SORT1: variants seen among roughly 807,000 people sequenced by gnomAD.
SORT1 encodes sortilin.
A neutral mutation model predicts 101.7 loss-of-function variants in SORT1; 39 were observed. The observed-to-expected ratio is 0.38, with a 90% CI of 0.30 to 0.50. The LOEUF is 0.50. Ranked by LOEUF, SORT1 falls within the 20% of genes least tolerant of loss-of-function variation. The pLI is 0.90. For synonymous variants in SORT1, 396 were observed against 393.7 expected, an observed-to-expected ratio of 1.01 and a Z score of -0.07; for missense variants, 878 against 1,040.4, an observed-to-expected ratio of 0.84 and a Z score of 2.15.
intron 8 of SORT1, among the ~76,000 whole-genome samples, chr1:109,343,342 C>A (rs564360313): frequency 6.6e-6 from 1 of 152,264 alleles, no homozygotes; most frequent in South Asian, 2.1e-4. Context: ...ACAACCTCCA[C>A]GTCGCCAACT....
intron 1 of SORT1, among the ~76,000 whole-genome samples, chr1:109,375,721 C>T (rs930381751): frequency 4.0e-5 from 6 of 151,512 alleles, no homozygotes; most frequent in African/African-American, 1.5e-4. Context: ...ATCTTAAAAG[C>T]ATCCACAAAA....
intron 11 of SORT1, among the ~76,000 whole-genome samples, chr1:109,331,263 A>G (rs1490448898): frequency 2.0e-5 from 3 of 152,222 alleles, no homozygotes; most frequent in Non-Finnish European, 4.4e-5. Context: ...TAAACAGATT[A>G]TATACCATGA....
intron 1 of SORT1, among the ~76,000 whole-genome samples, chr1:109,373,797 C>T (rs1018394580): frequency 2.0e-5 from 3 of 152,178 alleles, no homozygotes; most frequent in African/African-American, 7.2e-5. Context: ...GAAAAATCAT[C>T]AGGTGGGTAG....
In SORT1 at chr1:109,397,774, G is replaced by A. The variant is rs1206707135; in HGVS notation, c.119C>T (p.Pro40Leu). The change falls in exon 1 of 20, where the codon CCG (proline) becomes CTG (leucine). Residue 40 changes from proline to leucine, a missense_variant. Physicochemically the swap from Pro to Leu is moderately conservative, Grantham distance 98 (BLOSUM62 -3). Coordinates refer to ENST00000256637, the MANE Select transcript of SORT1 (RefSeq NM_002959.7). ...STLSQDRLDA[P>L]PPPAAPLPRW... ...CGGCAGCGGCGCAGCGGGCGGCGGCGGCGCGTCCAGCCGGTCCTGGCTGAG... is the reference window on the plus strand; with the variant it reads ...CGGCAGCGGCGCAGCGGGCGGCGGCAGCGCGTCCAGCCGGTCCTGGCTGAG... 1.6e-6 allele frequency: 2 copies of A among 1,216,024 alleles called. No homozygotes were observed. The highest frequency in any genetic ancestry group is 2.5e-5 in the South Asian group (1 of 40,468). The allele number at this position is 1,216,024 out of a possible 1,614,324, so 75.3% of individuals were successfully genotyped here. A position where few individuals can be genotyped will look rare whatever the true frequency, so the allele number is the denominator to read the frequency against.
At chr1:109,346,191 TA>T (rs1649577936) in intron 7 of SORT1, among the ~76,000 whole-genome samples, 2 of 151,652 alleles carry the variant, frequency 1.3e-5, no homozygotes. Flanking sequence ...TGGGCGCCTG[TA>T]GTCCCAGCTA....
At chr1:109,393,086 A>G in intron 1 of SORT1, 13 of 985,414 alleles carry the variant, frequency 1.3e-5, no homozygotes, top group Non-Finnish European at 1.6e-5. Flanking sequence ...CGAGGTCTTC[A>G]GCGGCAGCTC....
chr1:109,332,190 C>G (rs1177499223), intron 11 of SORT1, among the ~76,000 whole-genome samples: 4 of 152,040 alleles, frequency 2.6e-5, no homozygotes, highest in Non-Finnish European at 5.9e-5. Flanking sequence ...ATAAATAACC[C>G]TCTTTCTGTG....
chr1:109,343,823 T>A (rs1389156271), intron 8 of SORT1, among the ~76,000 whole-genome samples: 1 of 152,164 alleles, frequency 6.6e-6, no homozygotes, highest in East Asian at 1.9e-4. Flanking sequence ...TAATTTTTTG[T>A]ATCTTTTAGT....
chr1:109,363,831 T>C (rs749049784), intron 3 of SORT1, among the ~76,000 whole-genome samples: 4 of 152,232 alleles, frequency 2.6e-5, no homozygotes, highest in Non-Finnish European at 5.9e-5. Flanking sequence ...TTCAGCATAC[T>C]CAGGACCCAT....
chr1:109,321,521 C>T (rs959253595), intron 15 of SORT1, among the ~76,000 whole-genome samples: 16 of 152,188 alleles, frequency 1.1e-4, no homozygotes, highest in Admixed American at 8.5e-4. Context: ...ACCTCCAGCC[C>T]TACTGGAACA....
At chr1:109,359,006 A>C (rs1650528660) in intron 3 of SORT1, among the ~76,000 whole-genome samples, 1 of 152,230 alleles carries the variant, frequency 6.6e-6, no homozygotes, top group African/African-American at 2.4e-5. Flanking sequence ...AATAATGCTA[A>C]AATACAAATA....
intron 8 of SORT1, among the ~76,000 whole-genome samples, chr1:109,344,416 G>A (rs1366355288): frequency 1.3e-5 from 2 of 152,110 alleles, no homozygotes; most frequent in Admixed American, 6.5e-5. Flanking sequence ...GCCCCCTCTG[G>A]CCCCACTTTG....
At position 109,340,770 on chromosome 1, in the gene SORT1, G is replaced by A. The variant is rs140383253; in HGVS notation, c.1218C>T (p.Asn406=). The change falls in exon 10 of 20, where the codon AAC becomes AAT. Residue 406 remains asparagine, a synonymous_variant. Transcript: ENST00000256637. ...TGTAGACGCCGCGGAGGGAGGTCAC[G>A]TTGGTAAAGTCCGTCTCTCCGCCTG... ...TTTGGETDFT[N]VTSLRGVYIT... 1.9e-5 allele frequency: 31 copies of A among 1,614,036 alleles called. No homozygotes were observed. Among genetic ancestry groups the A allele is most frequent in the South Asian group, 1.4e-4 (13 of 91,088 alleles).
intron 1 of SORT1, among the ~76,000 whole-genome samples, chr1:109,382,217 C>A (rs1354484303): frequency 7.2e-5 from 11 of 152,050 alleles, no homozygotes; most frequent in African/African-American, 2.7e-4. Flanking sequence ...CTCACTGCAA[C>A]CTCCACCTTC....
At chr1:109,386,371 A>ATGT (rs1398820422) in intron 1 of SORT1, among the ~76,000 whole-genome samples, 2 of 152,322 alleles carry the variant, frequency 1.3e-5, no homozygotes, top group East Asian at 3.9e-4. Flanking sequence ...GCACAGTCCA[A>ATGT]AATTATAGAA....
intron 11 of SORT1, among the ~76,000 whole-genome samples, chr1:109,335,557 TA>T (rs1216433123): frequency 2.6e-5 from 4 of 152,008 alleles, no homozygotes; most frequent in African/African-American, 9.7e-5. Context: ...ATACAGATAC[TA>T]AGGAGGGTTC....
chr1:109,327,558 A>G lies in SORT1; in HGVS notation c.1415T>C (p.Leu472Pro). 2.5e-6 allele frequency: 4 copies of G among 1,611,906 alleles called. No homozygotes were observed. Among genetic ancestry groups the G allele is most frequent in the Non-Finnish European group, 3.4e-6 (4 of 1,179,344 alleles). Residue 472 changes from leucine to proline, a missense_variant, in exon 12 of 20, where the codon CTG (leucine) becomes CCG (proline). By Grantham distance (98) the Leu-to-Pro change is moderately conservative. Transcript: ENST00000256637. ...IHASYSISQKLNVPMAPLSEP... is the reference protein window; with the variant it reads ...IHASYSISQKPNVPMAPLSEP... ...TGAGAGTGGGGCCATTGGAACATTCAGTTTCTGGGAGATGCTGTAGGAAGC... is the reference window on the plus strand; with the variant it reads ...TGAGAGTGGGGCCATTGGAACATTCGGTTTCTGGGAGATGCTGTAGGAAGC...
intron 15 of SORT1, 107 bp from the exon 16 acceptor site, chr1:109,318,076 G>A (rs1647358743): frequency 1.5e-6 from 1 of 687,948 alleles, no homozygotes; most frequent in African/African-American, 1.8e-5. Context: ...TTCCAGTCTT[G>A]GGTTGTTAGA....
intron 1 of SORT1, among the ~76,000 whole-genome samples, chr1:109,378,759 T>A (rs993981836): frequency 7.7e-5 from 7 of 90,870 alleles, no homozygotes; most frequent in South Asian, 3.8e-4. Flanking sequence ...TATATATATA[T>A]ATAAAGATGT....
Sources: allele counts gnomAD v4.1 joint callset (sites outside exome capture counted in the v4.1 genomes callset), GRCh38; gene constraint gnomAD v4.1.1; transcripts MANE v1.5; gene names NCBI Gene and HGNC (gene_info 2026-07-23, HGNC 2026-07-21).